Variants in AUTS2 observed in about 807,000 individuals in gnomAD.
AUTS2 encodes autism susceptibility gene 2 protein.
AUTS2 carries 17 observed loss-of-function variants against 112.4 expected under a neutral mutation model. That is an observed-to-expected ratio of 0.15 (90% CI 0.10 to 0.23). The LOEUF (loss-of-function observed/expected upper bound fraction) is 0.23. Ranked by LOEUF, AUTS2 falls within the 10% of genes least tolerant of loss-of-function variation. The pLI is 1.00. For synonymous variants in AUTS2, 751 were observed against 702.7 expected (o/e 1.07, Z -1.09); for missense variants, 1,510 against 1,701.6 (o/e 0.89, Z 1.98).
At chr7:69,877,698 GA>G (rs1366939120) in intron 1 of AUTS2, among the ~76,000 whole-genome samples, 1 of 152,092 alleles carries the variant, frequency 6.6e-6, no homozygotes, top group African/African-American at 2.4e-5. Flanking sequence ...TTACGGGTGA[GA>G]ACATGCAGTA....
intron 4 of AUTS2, among the ~76,000 whole-genome samples, chr7:70,183,244 C>T (rs574060094): frequency 1.1e-4 from 16 of 152,188 alleles, no homozygotes; most frequent in African/African-American, 3.6e-4. Context: ...TTTCTCACTC[C>T]TGGAAGCTGG....
At chr7:70,117,265 T>A (rs1805432863) in intron 2 of AUTS2, among the ~76,000 whole-genome samples, 2 of 152,094 alleles carry the variant, frequency 1.3e-5, no homozygotes, top group South Asian at 4.1e-4. Context: ...TTGGTTCTTT[T>A]AAATATGTAG....
intron 2 of AUTS2, among the ~76,000 whole-genome samples, chr7:70,047,371 A>G (rs997602040): frequency 6.6e-6 from 1 of 152,220 alleles, no homozygotes; most frequent in African/African-American, 2.4e-5. Context: ...ACTAAGGGAT[A>G]TATATTGTAG....
chr7:69,874,872 T>C (rs187893840), intron 1 of AUTS2, among the ~76,000 whole-genome samples: 36 of 152,092 alleles, frequency 2.4e-4, no homozygotes, highest in Admixed American at 1.9e-3. Context: ...GGTTTCACCA[T>C]GTCGGCCAGG....
intron 1 of AUTS2, among the ~76,000 whole-genome samples, chr7:69,791,214 A>G (rs1789593842): frequency 6.6e-6 from 1 of 152,204 alleles, no homozygotes; most frequent in African/African-American, 2.4e-5. Flanking sequence ...CCTCGACTGA[A>G]TGGGATTCAC....
chr7:70,156,727 C>T (rs1179995830), intron 4 of AUTS2, among the ~76,000 whole-genome samples: 2 of 151,208 alleles, frequency 1.3e-5, no homozygotes, highest in Non-Finnish European at 2.9e-5. Context: ...GTACTCTCAC[C>T]TCATAAAAGT....
intron 4 of AUTS2, among the ~76,000 whole-genome samples, chr7:70,219,440 TTA>T (rs1251570617): frequency 1.3e-5 from 2 of 152,106 alleles, no homozygotes; most frequent in African/African-American, 4.8e-5. Flanking sequence ...AAAAAAAAAA[TTA>T]TTTCAGAATT....
chr7:69,829,176 A>G (rs574141358), intron 1 of AUTS2, among the ~76,000 whole-genome samples: 1 of 152,322 alleles, frequency 6.6e-6, no homozygotes, highest in East Asian at 1.9e-4. Flanking sequence ...TGCTGGGAAA[A>G]CTGGCTAGCC....
At chr7:70,637,902 CT>C (rs1309943715) in intron 5 of AUTS2, among the ~76,000 whole-genome samples, 1 of 152,156 alleles carries the variant, frequency 6.6e-6, no homozygotes, top group Non-Finnish European at 1.5e-5. Flanking sequence ...TGCAATTTCC[CT>C]CCCCTCCTTT....
chr7:70,323,589 A>G lies in AUTS2; in HGVS notation c.661-112163A>G, dbSNP rs185594152. ...TCTGTTTGACCTAGATGTGAACTGA[A>G]TAATCACTTCTGTTGTTTGGAAAGC... On this transcript the variant is annotated intron_variant, in intron 4 of 18. Coordinates refer to ENST00000342771, the MANE Select transcript of AUTS2 (RefSeq NM_015570.4). Among the ~76,000 whole-genome samples, 4 of 152,304 alleles carry G rather than the reference A, an allele frequency of 2.6e-5. No homozygotes were observed. The East Asian group carries it at 7.7e-4, about 29-fold the overall frequency.
At chr7:69,815,726 G>A (rs1790729870) in intron 1 of AUTS2, among the ~76,000 whole-genome samples, 1 of 152,178 alleles carries the variant, frequency 6.6e-6, no homozygotes, top group African/African-American at 2.4e-5. Context: ...TGTTGGCCAG[G>A]CTGGTCTCGA....
chr7:70,156,991 C>T (rs936928392), intron 4 of AUTS2, among the ~76,000 whole-genome samples: 7 of 142,734 alleles, frequency 4.9e-5, no homozygotes, highest in Admixed American at 1.4e-4. Context: ...GCAGGAGAAT[C>T]GCTTGAACCT....
chr7:70,598,879 A>C (rs1803331329), intron 5 of AUTS2, among the ~76,000 whole-genome samples: 1 of 152,230 alleles, frequency 6.6e-6, no homozygotes, highest in African/African-American at 2.4e-5. Flanking sequence ...TGGGACTCCC[A>C]GTAAATTAGG....
intron 4 of AUTS2, among the ~76,000 whole-genome samples, chr7:70,176,884 A>G (rs984300772): frequency 6.6e-6 from 1 of 152,118 alleles, no homozygotes; most frequent in Admixed American, 6.5e-5. Context: ...CTCAGATCAT[A>G]CCCTGGAAGT....
chr7:70,491,496 A>G (rs1307430105), intron 5 of AUTS2, among the ~76,000 whole-genome samples: 1 of 148,108 alleles, frequency 6.8e-6, no homozygotes, highest in Non-Finnish European at 1.5e-5. Context: ...ATATATACAC[A>G]TAATATATAT....
chr7:70,771,417 T>G (rs1790329610), intron 10 of AUTS2, 132 bp from the exon 11 acceptor site: 4 of 641,950 alleles, frequency 6.2e-6, no homozygotes, highest in African/African-American at 3.6e-5. Context: ...CCATCATGGC[T>G]TCTTGACTAA....
intron 1 of AUTS2, among the ~76,000 whole-genome samples, chr7:69,856,769 CTTG>C (rs1309285214): frequency 4.6e-5 from 7 of 152,138 alleles, no homozygotes; most frequent in African/African-American, 1.7e-4. Flanking sequence ...ATCATCTTTC[CTTG>C]TTGTACCCTT....
intron 2 of AUTS2, among the ~76,000 whole-genome samples, chr7:69,912,845 T>A (rs543429275): frequency 6.6e-6 from 1 of 152,356 alleles, no homozygotes; most frequent in East Asian, 1.9e-4. Context: ...TGTTTCCTTG[T>A]TCCTTTTACT....
At chr7:69,846,618 G>C (rs545830609) in intron 1 of AUTS2, among the ~76,000 whole-genome samples, 3 of 152,304 alleles carry the variant, frequency 2.0e-5, no homozygotes, top group African/African-American at 7.2e-5. Context: ...CTGTCGCCCA[G>C]GCTGGAGTGC....
Sources: gnomAD v4.1 joint callset for allele counts (sites outside exome capture counted in the v4.1 genomes callset) on GRCh38, gnomAD v4.1.1 for gene constraint, MANE v1.5 for transcripts, NCBI Gene and HGNC (gene_info 2026-07-23, HGNC 2026-07-21) for gene names.